The following DENND1A variants were observed in gnomAD, a reference collection of about 807,000 sequenced individuals.
The protein encoded by DENND1A is DENN domain containing 1A.
A neutral mutation model predicts 113.7 loss-of-function variants in DENND1A; 51 were observed. The ratio of observed to expected loss-of-function variants is 0.45; its 90% CI spans 0.36 to 0.57. The LOEUF (loss-of-function observed/expected upper bound fraction) is 0.57, where lower values mean the gene tolerates loss of function less well. Among genes scored for constraint, DENND1A ranks in the 20% least tolerant of loss-of-function variants. The pLI, the probability that DENND1A is intolerant of heterozygous loss-of-function variation, is 0.00. For missense variants in DENND1A, 1,258 were observed against 1,395.9 expected, an observed-to-expected ratio of 0.90 and a Z score of 1.57; for synonymous variants, 565 against 570.8, an observed-to-expected ratio of 0.99 and a Z score of 0.14.
At chr9:123,914,963 T>A (rs537085415) in intron 1 of DENND1A, among the ~76,000 whole-genome samples, 1 of 152,142 alleles carries the variant, frequency 6.6e-6, no homozygotes, top group African/African-American at 2.4e-5. Context: ...TCAGGAGCCA[T>A]GCTGATTATA....
intron 2 of DENND1A, among the ~76,000 whole-genome samples, chr9:123,833,959 G>C (rs1840680036): frequency 6.6e-6 from 1 of 152,176 alleles, no homozygotes; most frequent in Admixed American, 6.5e-5. Context: ...GGGAGGCTGA[G>C]GCAGGAGAAT....
chr9:123,584,285 C>T (rs1186917237), intron 11 of DENND1A, among the ~76,000 whole-genome samples: 6 of 152,234 alleles, frequency 3.9e-5, no homozygotes, highest in African/African-American at 7.2e-5. Context: ...AACAGGCACA[C>T]GATGGGACCT....
At chr9:123,724,242 C>T (rs1006430004) in intron 5 of DENND1A, among the ~76,000 whole-genome samples, 5 of 152,148 alleles carry the variant, frequency 3.3e-5, no homozygotes, top group African/African-American at 1.2e-4. Context: ...AAGCACAACT[C>T]GTTGAGGGAG....
At chr9:123,546,412 C>T (rs909036652) in intron 13 of DENND1A, among the ~76,000 whole-genome samples, 47 of 151,746 alleles carry the variant, frequency 3.1e-4, no homozygotes, top group Non-Finnish European at 1.6e-4. Flanking sequence ...AGTAGCCGGG[C>T]GTGGTGGTAG....
At chr9:123,840,665 A>T (rs1841697857) in intron 2 of DENND1A, among the ~76,000 whole-genome samples, 1 of 152,208 alleles carries the variant, frequency 6.6e-6, no homozygotes, top group African/African-American at 2.4e-5. Context: ...GTAATCAAAG[A>T]GTCGCCATTA....
At chr9:123,575,520 T>C (rs1382359674) in intron 12 of DENND1A, among the ~76,000 whole-genome samples, 1 of 152,190 alleles carries the variant, frequency 6.6e-6, no homozygotes, top group African/African-American at 2.4e-5. Context: ...AGAAGTGAAA[T>C]ATCCTCATTA....
Position 123,792,573 on chromosome 9 carries a change from T to C in DENND1A, c.132+14A>G, listed in dbSNP as rs1374440147. On this transcript the variant is annotated intron_variant, in intron 3 of 23. Coordinates refer to ENST00000394215, the MANE Select transcript of DENND1A (RefSeq NM_001352964.2). ...AAATTTTGTCATGTAAAAAATTAAT[T>C]ACGCATTCCGAACCTGGTCACTGTA... 6.2e-7 allele frequency: 1 copy of C among 1,611,544 alleles called. No homozygotes were observed. Among genetic ancestry groups the C allele is most frequent in the Non-Finnish European group, 8.5e-7 (1 of 1,178,732 alleles).
At chr9:123,738,852 G>A (rs2068770830) in intron 5 of DENND1A, among the ~76,000 whole-genome samples, 1 of 152,166 alleles carries the variant, frequency 6.6e-6, no homozygotes, top group Non-Finnish European at 1.5e-5. Flanking sequence ...TACTAACACA[G>A]AGCTTGAAAT....
intron 11 of DENND1A, among the ~76,000 whole-genome samples, chr9:123,591,050 TA>T (rs1221479131): frequency 6.6e-6 from 1 of 152,152 alleles, no homozygotes; most frequent in African/African-American, 2.4e-5. Context: ...AGGATAAATA[TA>T]AAAAGCCAAT....
At chr9:123,807,062 T>G (rs1835708259) in intron 2 of DENND1A, among the ~76,000 whole-genome samples, 1 of 152,200 alleles carries the variant, frequency 6.6e-6, no homozygotes, top group African/African-American at 2.4e-5. Flanking sequence ...TGGAAATACA[T>G]CATTGCATTA....
At chr9:123,867,937 A>T (rs1279475642) in intron 2 of DENND1A, among the ~76,000 whole-genome samples, 1 of 152,220 alleles carries the variant, frequency 6.6e-6, no homozygotes, top group African/African-American at 2.4e-5. Flanking sequence ...TTGCCACTTT[A>T]TAGGGAGCAC....
intron 2 of DENND1A, among the ~76,000 whole-genome samples, chr9:123,877,818 A>C (rs1344143060): frequency 6.6e-6 from 1 of 152,166 alleles, no homozygotes; most frequent in Non-Finnish European, 1.5e-5. Context: ...GAGCAATTCC[A>C]TCTCATGAAA....
At chr9:123,484,659 G>T (rs1326617423) in intron 13 of DENND1A, among the ~76,000 whole-genome samples, 1 of 152,186 alleles carries the variant, frequency 6.6e-6, no homozygotes, top group Non-Finnish European at 1.5e-5. Context: ...GTGCTTGCAG[G>T]TCTACGAATG....
intron 19 of DENND1A, among the ~76,000 whole-genome samples, chr9:123,423,843 A>G (rs1314424714): frequency 6.6e-6 from 1 of 152,092 alleles, no homozygotes; most frequent in Non-Finnish European, 1.5e-5. Flanking sequence ...AACAAACTGT[A>G]AGTGGTTGGC....
chr9:123,671,667 T>A (rs991576839), intron 6 of DENND1A, among the ~76,000 whole-genome samples: 6 of 151,950 alleles, frequency 3.9e-5, no homozygotes, highest in African/African-American at 1.2e-4. Flanking sequence ...TCCCCTAAAC[T>A]CCATAGCAAC....
chr9:123,789,954 C>T (rs899974834), intron 3 of DENND1A, among the ~76,000 whole-genome samples: 5 of 150,954 alleles, frequency 3.3e-5, no homozygotes, highest in Non-Finnish European at 7.4e-5. Context: ...GTAGTTTAGG[C>T]GAATGAGAAA....
At chr9:123,911,480 A>T (rs780410230) in intron 1 of DENND1A, among the ~76,000 whole-genome samples, 13 of 152,224 alleles carry the variant, frequency 8.5e-5, no homozygotes, top group Admixed American at 2.6e-4. Context: ...TATTCATAAC[A>T]ACTTTATTCA....
At chr9:123,621,566 A>G (rs1214815310) in intron 10 of DENND1A, among the ~76,000 whole-genome samples, 2 of 152,188 alleles carry the variant, frequency 1.3e-5, no homozygotes, top group African/African-American at 2.4e-5. Flanking sequence ...TAACACAAAG[A>G]TAGTATTTAC....
intron 2 of DENND1A, among the ~76,000 whole-genome samples, chr9:123,871,492 T>C (rs2133428102): frequency 6.6e-6 from 1 of 152,352 alleles, no homozygotes; most frequent in East Asian, 1.9e-4. Flanking sequence ...TACAGTCCTG[T>C]AAAATGAAAG....
Sources: allele counts gnomAD v4.1 joint callset (sites outside exome capture counted in the v4.1 genomes callset), GRCh38; gene constraint gnomAD v4.1.1; transcripts MANE v1.5; gene names NCBI Gene and HGNC (gene_info 2026-07-23, HGNC 2026-07-21).